Variants in PCDHA2 observed in about 807,000 individuals in gnomAD.
The protein encoded by PCDHA2 is protocadherin alpha-2.
Under a neutral mutation model 66.0 loss-of-function variants are expected in PCDHA2, and 58 were observed. The ratio of observed to expected loss-of-function variants is 0.88; its 90% confidence interval spans 0.71 to 1.09. The LOEUF (loss-of-function observed/expected upper bound fraction) is 1.09, where lower values mean the gene tolerates loss of function less well. Among genes scored for constraint, PCDHA2 ranks in the 50% least tolerant of loss-of-function variants. The pLI is 0.00. For synonymous variants in PCDHA2, 634 were observed against 554.0 expected (o/e 1.14, Z -2.03); for missense variants, 1,267 against 1,242.3 (o/e 1.02, Z -0.30).
At chr5:140,967,135 G>A in intron 1 of PCDHA2, 1 of 1,611,752 alleles carries the variant, frequency 6.2e-7, no homozygotes, top group South Asian at 1.1e-5. Context: ...GCTTGGAAGT[G>A]CTGGCGCACA....
intron 1 of PCDHA2, among the ~76,000 whole-genome samples, chr5:140,925,385 C>G (rs559735505): frequency 6.4e-4 from 97 of 152,144 alleles, no homozygotes; most frequent in Non-Finnish European, 1.2e-3. Context: ...AATGAGTCTC[C>G]TTTTGGCTCG....
In PCDHA2 at chr5:140,808,546, G is replaced by A. The variant is rs1581694212; in HGVS notation, c.2388+11194G>A. 4 of 1,614,120 alleles carry A rather than the reference G, an allele frequency of 2.5e-6. No homozygotes were observed. In the African/African-American group the frequency reaches 4.0e-5, roughly 16 times the overall value. ...TGGCTGATGTGAACGACAACGCTCC[G>A]GCGTTCGCGCAGCCCGAGTACACAG... On this transcript the variant is annotated intron_variant, in intron 1 of 3. Transcript: ENST00000526136.
At chr5:140,966,805 T>G in intron 1 of PCDHA2, 1 of 1,545,566 alleles carries the variant, frequency 6.5e-7, no homozygotes, top group East Asian at 2.4e-5. Context: ...CGACAGAGCA[T>G]CCACGGCTCC....
chr5:140,801,148 T>C lies in PCDHA2; in HGVS notation c.2388+3796T>C. On this transcript the variant is annotated intron_variant, in intron 1 of 3. Transcript: ENST00000526136. ...GAAGATAAGGAACTCGAATTATTTT[T>C]AAACTTTGGATCAATGTAAAGGCAA... 1.3e-6 allele frequency: 2 copies of C among 1,529,694 alleles called. 1 individual carries two copies. Among genetic ancestry groups the C allele is most frequent in the Non-Finnish European group, 1.8e-6 (2 of 1,142,296 alleles). The allele number at this position is 1,529,694 out of a possible 1,614,324, so 94.8% of individuals were successfully genotyped here. A position where few individuals can be genotyped will look rare whatever the true frequency, so the allele number is the denominator to read the frequency against.
At chr5:140,927,447 G>A (rs1563092229) in intron 1 of PCDHA2, 7 of 1,613,982 alleles carry the variant, frequency 4.3e-6, no homozygotes, top group Non-Finnish European at 5.1e-6. Flanking sequence ...ACCCGGAGTT[G>A]GTGTTGGAGA....
chr5:140,964,894 T>C (rs754817292), intron 1 of PCDHA2, among the ~76,000 whole-genome samples: 8 of 152,210 alleles, frequency 5.3e-5, no homozygotes, highest in Non-Finnish European at 1.2e-4. Flanking sequence ...GATAGGAGGC[T>C]GGGCGCTTCT....
Position 140,856,497 on chromosome 5 carries a change from G to A in PCDHA2, c.2388+59145G>A, listed in dbSNP as rs782069130. 1.1e-5 allele frequency: 17 copies of A among 1,598,346 alleles called. 1 individual carries two copies. Among genetic ancestry groups the A allele is most frequent in the Admixed American group, 5.1e-5 (3 of 59,216 alleles). ...CCTGAATCCAGACTGCTTGACTCTC[G>A]ATTTCCACTAGAAGGCGCATCTGAT... On this transcript the variant is annotated intron_variant, in intron 1 of 3. Transcript: ENST00000526136.
At chr5:140,929,457 G>A (rs975305297) in intron 1 of PCDHA2, 25 of 1,362,276 alleles carry the variant, frequency 1.8e-5, no homozygotes, top group Non-Finnish European at 2.4e-5. Flanking sequence ...AGCACTTCCT[G>A]TGCCAAGAAA....
intron 1 of PCDHA2, chr5:140,927,762 T>A (rs781993567): frequency 1.8e-5 from 29 of 1,613,934 alleles, no homozygotes; most frequent in Non-Finnish European, 2.4e-5. Context: ...ACCCTAAAAG[T>A]GGGGAGGTGC....
At chr5:140,924,906 TA>T (rs1284498744) in intron 1 of PCDHA2, among the ~76,000 whole-genome samples, 1 of 55,776 alleles carries the variant, frequency 1.8e-5, no homozygotes, top group African/African-American at 8.7e-5. Flanking sequence ...AAAAAAAAAA[TA>T]AAATAAAATA....
intron 1 of PCDHA2, chr5:140,828,236 G>C: frequency 1.2e-6 from 2 of 1,613,966 alleles, no homozygotes; most frequent in Non-Finnish European, 1.7e-6. Flanking sequence ...GGGCCGGATC[G>C]CGCAGGACCT....
Position 140,803,314 on chromosome 5 carries a change from C to T in PCDHA2, c.2388+5962C>T, listed in dbSNP as rs782516303. 4 of 1,614,140 alleles carry T rather than the reference C, an allele frequency of 2.5e-6. No homozygotes were observed. The highest frequency in any genetic ancestry group is 3.4e-6 in the Non-Finnish European group (4 of 1,180,002). ...GTGTACTTGATCGTCGCCATCTGCG[C>T]GGTGTCCAGTCTGTTGGTGCTCACA... On this transcript the variant is annotated intron_variant, in intron 1 of 3. Transcript: ENST00000526136.
intron 1 of PCDHA2, chr5:140,849,905 G>C: frequency 6.3e-7 from 1 of 1,598,320 alleles, no homozygotes; most frequent in Non-Finnish European, 8.6e-7. Flanking sequence ...ACAACCCGCC[G>C]GGCTGCCACA....
chr5:140,932,975 A>G (rs2088770619), intron 1 of PCDHA2, among the ~76,000 whole-genome samples: 1 of 152,012 alleles, frequency 6.6e-6, no homozygotes, highest in African/African-American at 2.4e-5. Flanking sequence ...GGTTTTTACA[A>G]TGCTCAAATG....
At chr5:140,803,905 T>C (rs185777176) in intron 1 of PCDHA2, 1 of 516,614 alleles carries the variant, frequency 1.9e-6, no homozygotes, top group Non-Finnish European at 3.4e-6. Flanking sequence ...ATTTAGAGAA[T>C]CTGACTTCGA....
chr5:140,946,297 T>C (rs1238627119), intron 1 of PCDHA2, among the ~76,000 whole-genome samples: 5 of 151,730 alleles, frequency 3.3e-5, no homozygotes, highest in Non-Finnish European at 7.4e-5. Flanking sequence ...ACCTCACACC[T>C]GGTAGAATGG....
intron 1 of PCDHA2, chr5:140,830,438 A>G: frequency 6.2e-7 from 1 of 1,612,916 alleles, no homozygotes; most frequent in Admixed American, 1.7e-5. Context: ...TCCTATTATG[A>G]TGGGTAAGGC....
intron 1 of PCDHA2, among the ~76,000 whole-genome samples, chr5:140,832,954 A>G (rs1349608970): frequency 1.3e-5 from 2 of 152,204 alleles, no homozygotes; most frequent in Non-Finnish European, 2.9e-5. Flanking sequence ...AAGTGAGTAT[A>G]CAGAAAATTC....
chr5:140,835,497 A>C, intron 1 of PCDHA2: 1 of 1,613,910 alleles, frequency 6.2e-7, no homozygotes. Flanking sequence ...CATCACATTG[A>C]TTAGCGTGTT....
Sources: allele counts gnomAD v4.1 joint callset (sites outside exome capture counted in the v4.1 genomes callset), GRCh38; gene constraint gnomAD v4.1.1; transcripts MANE v1.5; gene names NCBI Gene and HGNC (gene_info 2026-07-23, HGNC 2026-07-21).